The following CASP4 variants were observed in gnomAD, a reference collection of about 807,000 sequenced individuals.
The protein encoded by CASP4 is caspase 4, also known as caspase-4.
A neutral mutation model predicts 41.3 loss-of-function variants in CASP4; 29 were observed. The observed-to-expected ratio is 0.70, with a 90% CI of 0.52 to 0.96. The LOEUF (loss-of-function observed/expected upper bound fraction) is 0.96, where lower values mean the gene tolerates loss of function less well. CASP4 is among the 40% of genes least tolerant of loss of function. CASP4 has a pLI of 0.00. For missense variants in CASP4, 447 were observed against 460.6 expected (o/e 0.97, Z 0.27); for synonymous variants, 185 against 158.4 (o/e 1.17, Z -1.26).
At chr11:104,957,965 C>G (rs1265779865) in intron 1 of CASP4, among the ~76,000 whole-genome samples, 2 of 151,998 alleles carry the variant, frequency 1.3e-5, no homozygotes, top group African/African-American at 4.8e-5. Flanking sequence ...ATGAACAGGA[C>G]AGAAAACCCA....
intron 1 of CASP4, among the ~76,000 whole-genome samples, chr11:104,955,202 A>G (rs1187110354): frequency 6.6e-6 from 1 of 151,864 alleles, no homozygotes; most frequent in East Asian, 1.9e-4. Context: ...AATACTTTTT[A>G]TTTTCTTTTT....
chr11:104,957,813 A>T (rs1358246402), intron 1 of CASP4, among the ~76,000 whole-genome samples: 3 of 152,138 alleles, frequency 2.0e-5, no homozygotes, highest in Non-Finnish European at 4.4e-5. Context: ...ACACAAAAAA[A>T]CAAACCCTGA....
intron 6 of CASP4, chr11:104,947,901 G>A (rs1222981991): frequency 6.6e-6 from 1 of 152,124 alleles, no homozygotes; most frequent in Non-Finnish European, 1.5e-5. Flanking sequence ...CATAGATAGT[G>A]GTGATGATTT....
At chr11:104,953,934 C>G (rs1860675841) in intron 2 of CASP4, among the ~76,000 whole-genome samples, 1 of 152,150 alleles carries the variant, frequency 6.6e-6, no homozygotes, top group Non-Finnish European at 1.5e-5. Flanking sequence ...CTGGAAAAGT[C>G]TAGTTCATAG....
At chr11:104,968,364 C>T (rs900510822) in intron 1 of CASP4, among the ~76,000 whole-genome samples, 155 bp downstream of exon 1, 1 of 152,168 alleles carries the variant, frequency 6.6e-6, no homozygotes, top group East Asian at 1.9e-4. Flanking sequence ...ATCTCTAACA[C>T]CAGGTCCCAT....
intron 8 of CASP4, chr11:104,944,366 C>CTGTGTGTGTGTGTGTGTG (rs751326691): frequency 4.7e-5 from 5 of 106,920 alleles, no homozygotes; most frequent in African/African-American, 1.2e-4. Context: ...CTCTCTCTCT[C>CTGTGTGTGTGTGTGTGTG]TCTGTGTGTG....
chr11:104,950,337 C>G (rs1252992499), intron 4 of CASP4, among the ~76,000 whole-genome samples: 1 of 152,114 alleles, frequency 6.6e-6, no homozygotes, highest in Non-Finnish European at 1.5e-5. Flanking sequence ...AACCCAAAAA[C>G]GTTGCTCCCC....
At chr11:104,961,456 T>C (rs1404224482) in intron 1 of CASP4, among the ~76,000 whole-genome samples, 1 of 151,608 alleles carries the variant, frequency 6.6e-6, no homozygotes, top group Non-Finnish European at 1.5e-5. Flanking sequence ...GCCTCCTTCC[T>C]TCTCTCGACT....
Position 104,948,696 on chromosome 11 carries a change from C to T in CASP4, c.782-20G>A. The T allele has an allele frequency of 1.9e-6, 3 of 1,569,374 alleles. No individual in the cohort carries two copies. Among genetic ancestry groups the T allele is most frequent in the Non-Finnish European group, 1.7e-6 (2 of 1,151,306 alleles). On this transcript the variant is annotated intron_variant, in intron 5 of 8. Transcript: ENST00000444739. ...GGTTTGCTATGGAGACATTAACTTT[C>T]TGCACACTGCTGTGCCTCCCACAGA...
chr11:104,963,372 A>C (rs1050596855), intron 1 of CASP4, among the ~76,000 whole-genome samples: 1 of 152,244 alleles, frequency 6.6e-6, no homozygotes, highest in African/African-American at 2.4e-5. Context: ...TGGGAAAAAC[A>C]AACAACAAGA....
At chr11:104,964,952 G>T (rs57049767) in intron 1 of CASP4, among the ~76,000 whole-genome samples, 3,692 of 152,206 alleles carry the variant, frequency 0.024, 131 homozygotes, top group African/African-American at 0.077. Flanking sequence ...AAATAATCAG[G>T]CCAAGTACAG....
rs754196122 is a variant in CASP4 at position 104,954,957 on chromosome 11, C to T, written c.52G>A (p.Gly18Ser). 6.2e-7 allele frequency: 1 copy of T among 1,613,550 alleles called. No homozygotes were observed. The highest frequency in any genetic ancestry group is 2.2e-5 in the East Asian group (1 of 44,852). ...AAAACACCAGTGAGGAAATCTTTGC[C>T]CAGGGATTCCAACACCTTAAGTGGC... Reference protein sequence around the residue: ...KKPLKVLESLGKDFLTGVLDN... With the variant: ...KKPLKVLESLSKDFLTGVLDN... The change falls in exon 2 of 9, where the codon GGC (glycine) becomes AGC (serine). Residue 18 changes from glycine (G) to serine (S), a missense_variant. Coordinates refer to ENST00000444739, the MANE Select transcript of CASP4 (RefSeq NM_001225.4).
intron 5 of CASP4, chr11:104,948,904 C>T (rs1037755912): frequency 2.9e-6 from 1 of 350,510 alleles, no homozygotes; most frequent in Non-Finnish European, 5.1e-6. Context: ...CTTGAATTTA[C>T]CATTTTCTAG....
At chr11:104,953,810 T>A (rs1012292288) in intron 2 of CASP4, among the ~76,000 whole-genome samples, 3 of 152,188 alleles carry the variant, frequency 2.0e-5, no homozygotes, top group African/African-American at 7.2e-5. Flanking sequence ...ATTTAACCTT[T>A]AATAATACGT....
Position 104,954,956 on chromosome 11 carries a change from C to T in CASP4, c.53G>A (p.Gly18Asp). 1.2e-6 allele frequency: 2 copies of T among 1,613,576 alleles called. No homozygotes were observed. The highest frequency in any genetic ancestry group is 1.7e-6 in the Non-Finnish European group (2 of 1,179,668). Residue 18 changes from glycine to aspartate, a missense_variant, in exon 2 of 9, where the codon GGC becomes GAC. Physicochemically the swap from Gly to Asp is moderately conservative, Grantham distance 94 (BLOSUM62 -1). Transcript: ENST00000444739. ...KKPLKVLESL[G>D]KDFLTGVLDN... ...CAAAACACCAGTGAGGAAATCTTTG[C>T]CCAGGGATTCCAACACCTTAAGTGG... is the stretch of plus-strand genomic sequence containing the variant.
At chr11:104,962,664 T>C (rs907963095) in intron 1 of CASP4, among the ~76,000 whole-genome samples, 4 of 152,194 alleles carry the variant, frequency 2.6e-5, no homozygotes, top group African/African-American at 9.7e-5. Flanking sequence ...GGATACTTCC[T>C]TTTGGTTTAT....
intron 7 of CASP4, 33 bp from the exon 8 acceptor site, chr11:104,944,884 G>A (rs756618480): frequency 1.4e-5 from 19 of 1,365,334 alleles, no homozygotes; most frequent in African/African-American, 4.3e-5. Context: ...GATGAGATAC[G>A]ACTCTTTTCA....
chr11:104,961,440 G>A (rs1412339705), intron 1 of CASP4, among the ~76,000 whole-genome samples: 1 of 151,540 alleles, frequency 6.6e-6, no homozygotes, highest in Non-Finnish European at 1.5e-5. Flanking sequence ...ACTAGGCACT[G>A]CTAATGCCTC....
At chr11:104,956,505 G>A (rs772713139) in intron 1 of CASP4, 5 of 203,254 alleles carry the variant, frequency 2.5e-5, no homozygotes, top group Non-Finnish European at 4.3e-5. Flanking sequence ...TAATGTAAAA[G>A]AACACCGAGT....
Sources: allele counts gnomAD v4.1 joint callset (sites outside exome capture counted in the v4.1 genomes callset), GRCh38; gene constraint gnomAD v4.1.1; transcripts MANE v1.5; gene names NCBI Gene and HGNC (gene_info 2026-07-23, HGNC 2026-07-21).